ELMO1: variants seen among roughly 807,000 people sequenced by gnomAD.
ELMO1 encodes engulfment and cell motility 1, also known as engulfment and cell motility protein 1.
A neutral mutation model predicts 98.9 loss-of-function variants in ELMO1; 26 were observed. That is an observed-to-expected ratio of 0.26 (90% confidence interval 0.19 to 0.36). ELMO1 has a LOEUF of 0.36. Ranked by LOEUF, ELMO1 falls within the 10% of genes least tolerant of loss-of-function variation. The pLI, the probability that ELMO1 is intolerant of heterozygous loss-of-function variation, is 1.00. For synonymous variants in ELMO1, 346 were observed against 346.0 expected (o/e 1.00, Z 0.00); for missense variants, 627 against 935.2 (o/e 0.67, Z 4.30).
At chr7:37,374,777 T>C (rs1485529479) in intron 1 of ELMO1, among the ~76,000 whole-genome samples, 2 of 148,956 alleles carry the variant, frequency 1.3e-5, no homozygotes, top group African/African-American at 5.1e-5. Context: ...TAAATAAATA[T>C]CTTGGCTGGG....
At chr7:37,132,910 T>C (rs997157601) in intron 14 of ELMO1, 24 of 356,138 alleles carry the variant, frequency 6.7e-5, no homozygotes, top group African/African-American at 4.8e-4. Context: ...ATCTACCGTA[T>C]TTTTTAATGT....
chr7:36,881,522 T>C (rs1408252475), intron 18 of ELMO1, among the ~76,000 whole-genome samples: 1 of 152,236 alleles, frequency 6.6e-6, no homozygotes, highest in African/African-American at 2.4e-5. Flanking sequence ...GATTGTTTAC[T>C]AGCATTTTGG....
chr7:37,344,074 C>T (rs2723993), intron 1 of ELMO1, among the ~76,000 whole-genome samples: 23,732 of 137,022 alleles, frequency 0.17, 2,031 homozygotes, highest in Middle Eastern at 0.31. Flanking sequence ...CTCTGTTGCC[C>T]AGGCTGGAGT....
chr7:37,051,137 T>C (rs1796090385), intron 15 of ELMO1, among the ~76,000 whole-genome samples: 1 of 152,314 alleles, frequency 6.6e-6, no homozygotes, highest in Middle Eastern at 3.4e-3. Context: ...TCAGAATAGA[T>C]ATAAGTAGCA....
chr7:37,027,845 A>G (rs1388859454), intron 15 of ELMO1, among the ~76,000 whole-genome samples: 1 of 89,976 alleles, frequency 1.1e-5, no homozygotes, highest in African/African-American at 7.4e-5. Flanking sequence ...AGATTTACCA[A>G]AAAAAAAAAG....
intron 16 of ELMO1, among the ~76,000 whole-genome samples, chr7:36,930,100 T>G (rs941608265): frequency 6.6e-6 from 1 of 152,218 alleles, no homozygotes; most frequent in Admixed American, 6.5e-5. Flanking sequence ...TGAGGAGTCA[T>G]GAGCTCATTG....
At chr7:37,154,733 C>A (rs1382704507) in intron 13 of ELMO1, among the ~76,000 whole-genome samples, 1 of 152,222 alleles carries the variant, frequency 6.6e-6, no homozygotes, top group Non-Finnish European at 1.5e-5. Context: ...AGTTGGAAAA[C>A]ACTCTGCAGG....
At chr7:37,369,717 T>A (rs2131351753) in intron 1 of ELMO1, among the ~76,000 whole-genome samples, 1 of 147,234 alleles carries the variant, frequency 6.8e-6, no homozygotes, top group Non-Finnish European at 1.5e-5. Flanking sequence ...ACAATATAAT[T>A]AAGAATTTCT....
At chr7:37,062,666 C>T (rs1434168819) in intron 15 of ELMO1, among the ~76,000 whole-genome samples, 4 of 152,150 alleles carry the variant, frequency 2.6e-5, no homozygotes, top group Non-Finnish European at 5.9e-5. Context: ...GTTAAATGTA[C>T]AAAAGCCAGG....
At chr7:37,281,812 G>T (rs1797156774) in intron 4 of ELMO1, among the ~76,000 whole-genome samples, 1 of 152,216 alleles carries the variant, frequency 6.6e-6, no homozygotes, top group Non-Finnish European at 1.5e-5. Context: ...TCTCAAAAAT[G>T]ATGAGAAAAG....
chr7:37,033,263 G>T, intron 15 of ELMO1: 1 of 401,934 alleles, frequency 2.5e-6, no homozygotes, highest in Non-Finnish European at 5.0e-6. Flanking sequence ...AGTCCAAATT[G>T]TTCCCCCTTC....
chr7:37,204,889 T>C (rs780876785), intron 13 of ELMO1, among the ~76,000 whole-genome samples: 17 of 152,206 alleles, frequency 1.1e-4, no homozygotes, highest in African/African-American at 2.7e-4. Context: ...AGAGTGCTGA[T>C]TGGTGCGTTT....
intron 1 of ELMO1, among the ~76,000 whole-genome samples, chr7:37,404,353 C>A (rs528019727): frequency 1.3e-5 from 2 of 151,990 alleles, no homozygotes; most frequent in African/African-American, 4.8e-5. Context: ...GGTGACTGTG[C>A]GCCATGATTT....
intron 2 of ELMO1, among the ~76,000 whole-genome samples, chr7:37,318,388 A>G (rs1258614955): frequency 1.3e-5 from 2 of 152,196 alleles, no homozygotes; most frequent in Non-Finnish European, 2.9e-5. Flanking sequence ...GTCTTAAATT[A>G]CATTGAAACA....
chr7:37,030,739 C>T (rs756010975), intron 15 of ELMO1, among the ~76,000 whole-genome samples: 3 of 152,052 alleles, frequency 2.0e-5, no homozygotes, highest in Non-Finnish European at 2.9e-5. Context: ...TGTTTTTGTT[C>T]GTTTTCCTTC....
intron 13 of ELMO1, among the ~76,000 whole-genome samples, chr7:37,172,503 C>T (rs1026470657): frequency 2.4e-4 from 37 of 152,170 alleles, no homozygotes; most frequent in African/African-American, 8.9e-4. Flanking sequence ...AAGGCCAAAA[C>T]ACCAAAACTA....
intron 16 of ELMO1, among the ~76,000 whole-genome samples, chr7:36,993,682 CA>C (rs1176721478): frequency 6.6e-6 from 1 of 152,128 alleles, no homozygotes; most frequent in South Asian, 2.1e-4. Flanking sequence ...TACTTGCCTG[CA>C]ACTTGAAGCT....
At chr7:37,057,691 G>GCA (rs376241790) in intron 15 of ELMO1, among the ~76,000 whole-genome samples, 42 of 152,056 alleles carry the variant, frequency 2.8e-4, no homozygotes, top group African/African-American at 8.4e-4. Context: ...GTGTGCATGT[G>GCA]CACACACACA....
chr7:36,982,321 G>A (rs1791134819), intron 16 of ELMO1, among the ~76,000 whole-genome samples: 1 of 152,172 alleles, frequency 6.6e-6, no homozygotes, highest in South Asian at 2.1e-4. Flanking sequence ...AAAATTCAAT[G>A]TAAATATTTT....
Sources: gnomAD v4.1 joint callset for allele counts (sites outside exome capture counted in the v4.1 genomes callset) on GRCh38, gnomAD v4.1.1 for gene constraint, MANE v1.5 for transcripts, NCBI Gene and HGNC (gene_info 2026-07-23, HGNC 2026-07-21) for gene names.